The following CRACR2A variants were observed in gnomAD, a reference collection of about 807,000 sequenced individuals.
The protein encoded by CRACR2A is EF-hand calcium-binding domain-containing protein 4B.
In CRACR2A, 79 loss-of-function variants were observed where a neutral mutation model predicts 90.5. The observed-to-expected ratio is 0.87, with a 90% CI of 0.73 to 1.05. CRACR2A has a LOEUF of 1.05. Ranked by LOEUF, CRACR2A falls within the 50% of genes least tolerant of loss-of-function variation. The pLI, the probability that CRACR2A is intolerant of heterozygous loss-of-function variation, is 0.00. For missense variants in CRACR2A, 823 were observed against 897.2 expected, an observed-to-expected ratio of 0.92 and a Z score of 1.06; for synonymous variants, 338 against 356.7, an observed-to-expected ratio of 0.95 and a Z score of 0.59.
chr12:3,740,829 T>C (rs1333650670), intron 1 of CRACR2A, among the ~76,000 whole-genome samples: 1 of 152,244 alleles, frequency 6.6e-6, no homozygotes, highest in African/African-American at 2.4e-5. Flanking sequence ...TTAGCTACTT[T>C]ATAAGCCTCA....
intron 6 of CRACR2A, among the ~76,000 whole-genome samples, chr12:3,674,236 C>G (rs569744666): frequency 3.3e-5 from 5 of 152,258 alleles, no homozygotes; most frequent in Non-Finnish European, 5.9e-5. Flanking sequence ...CCTAGTGGCA[C>G]TAGGGATGAC....
chr12:3,645,303 G>A (rs1281157310), intron 11 of CRACR2A, among the ~76,000 whole-genome samples: 2 of 152,162 alleles, frequency 1.3e-5, no homozygotes, highest in East Asian at 3.8e-4. Flanking sequence ...TCCAGGCAGA[G>A]GAGAGGCTAG....
At chr12:3,621,390 TTTC>T (rs1591632651) in intron 17 of CRACR2A, among the ~76,000 whole-genome samples, 2 of 149,940 alleles carry the variant, frequency 1.3e-5, no homozygotes, top group Admixed American at 6.6e-5. Flanking sequence ...AAAGGGCAGG[TTTC>T]TTCTTTTTTT....
chr12:3,616,173 A>G (rs1039242136), intron 19 of CRACR2A, among the ~76,000 whole-genome samples: 4 of 152,228 alleles, frequency 2.6e-5, no homozygotes, highest in African/African-American at 9.6e-5. Flanking sequence ...TTTCCTTGTG[A>G]TACTCCATAA....
At position 3,619,340 on chromosome 12, in the gene CRACR2A, CAGA is replaced by C. The variant is rs1379139537; in HGVS notation, c.1962_1964del (p.Leu656del). On this transcript the variant is annotated inframe_deletion, in exon 18 of 20. Transcript: ENST00000440314. ...TCTCGTTGTCAAGCTTATTACCCAG[CAGA>C]AGAACAGGCACCCGGTCTCCCACAG... 4 of 1,551,598 alleles carry C rather than the reference CAGA, an allele frequency of 2.6e-6. No individual in the cohort carries two copies. The African/African-American group carries it at 4.1e-5, about 16-fold the overall frequency.
intron 1 of CRACR2A, among the ~76,000 whole-genome samples, chr12:3,743,474 C>T (rs1289088912): frequency 6.6e-6 from 1 of 152,178 alleles, no homozygotes; most frequent in African/African-American, 2.4e-5. Context: ...ATGAAGCAGA[C>T]CCTGCAACCC....
chr12:3,647,465 T>C (rs1944709067), intron 11 of CRACR2A, among the ~76,000 whole-genome samples: 1 of 152,200 alleles, frequency 6.6e-6, no homozygotes, highest in South Asian at 2.1e-4. Flanking sequence ...CCCTTTCATT[T>C]TTTTCTAAAT....
At chr12:3,727,353 T>C (rs1208829583) in intron 2 of CRACR2A, 2 of 152,184 alleles carry the variant, frequency 1.3e-5, no homozygotes, top group Non-Finnish European at 2.9e-5. Context: ...GTACTACAAA[T>C]ATAAATATAT....
intron 4 of CRACR2A, among the ~76,000 whole-genome samples, chr12:3,690,066 A>T (rs1220765413): frequency 1.3e-5 from 2 of 151,434 alleles, no homozygotes; most frequent in Non-Finnish European, 2.9e-5. Flanking sequence ...TTTTCTAATG[A>T]TCTATCTATT....
At position 3,633,690 on chromosome 12, in the gene CRACR2A, A is replaced by T; in HGVS notation, c.1649T>A (p.Phe550Tyr). The part of the protein sequence containing the change: ...SAPDRLFKIV[F>Y]VGNSAVGKTS... ...CTTCCCCACCGCGGAATTGCCCACG[A>T]ACACAATCTTGAAGAGCCGGTCAGG... The change falls in exon 15 of 20, where the codon TTC (phenylalanine) becomes TAC (tyrosine). Residue 550 changes from phenylalanine to tyrosine, a missense_variant. Coordinates refer to ENST00000440314, the MANE Select transcript of CRACR2A (RefSeq NM_001144958.2). The surrounding 1 kb of genome is among the most constrained non-coding windows in gnomAD (Gnocchi z 4.5). 1.9e-6 allele frequency: 3 copies of T among 1,551,774 alleles called. No individual in the cohort carries two copies. The South Asian group carries it at 3.6e-5, about 18-fold the overall frequency.
At chr12:3,683,172 T>C (rs1459595864) in intron 4 of CRACR2A, among the ~76,000 whole-genome samples, 1 of 152,196 alleles carries the variant, frequency 6.6e-6, no homozygotes, top group East Asian at 1.9e-4. Flanking sequence ...GGCTCTGAGA[T>C]TAGCCTAAAG....
chr12:3,727,641 C>A (rs1007192659), intron 2 of CRACR2A: 1 of 152,194 alleles, frequency 6.6e-6, no homozygotes, highest in African/African-American at 2.4e-5. Flanking sequence ...TTAGGCTTCT[C>A]TTCCTAAAAC....
At chr12:3,628,099 T>G (rs1591637584) in intron 15 of CRACR2A, among the ~76,000 whole-genome samples, 4 of 124,856 alleles carry the variant, frequency 3.2e-5, no homozygotes, top group Non-Finnish European at 5.1e-5. Flanking sequence ...CCCTCTCTCC[T>G]TCCCTCTCTC....
chr12:3,706,081 C>T (rs964110407), intron 3 of CRACR2A, among the ~76,000 whole-genome samples: 10 of 152,228 alleles, frequency 6.6e-5, no homozygotes, highest in Non-Finnish European at 1.5e-4. Context: ...AGTATCCCCT[C>T]AACCCTAAAC....
intron 14 of CRACR2A, among the ~76,000 whole-genome samples, chr12:3,635,994 T>G (rs1944448051): frequency 6.6e-6 from 1 of 152,254 alleles, no homozygotes; most frequent in African/African-American, 2.4e-5. Context: ...TAAAGAGTTT[T>G]GAAAATACTT....
chr12:3,672,586 A>G (rs903319934), intron 7 of CRACR2A: 1 of 212,130 alleles, frequency 4.7e-6, no homozygotes, highest in Non-Finnish European at 8.1e-6. Context: ...GTCATACCAC[A>G]TCTAAGTCCA....
chr12:3,623,199 G>A (rs746513204), intron 17 of CRACR2A, among the ~76,000 whole-genome samples: 186 of 152,324 alleles, frequency 1.2e-3, no homozygotes, highest in Non-Finnish European at 2.3e-3. Flanking sequence ...AAGTGTGGGC[G>A]CCTTTGGGAA....
intron 17 of CRACR2A, among the ~76,000 whole-genome samples, chr12:3,620,167 C>T (rs961510483): frequency 6.6e-6 from 1 of 152,214 alleles, no homozygotes; most frequent in Non-Finnish European, 1.5e-5. Flanking sequence ...AAAGGGGCAC[C>T]GTGTGTGTCT....
chr12:3,674,783 T>C (rs1311338423), intron 6 of CRACR2A, among the ~76,000 whole-genome samples: 1 of 152,220 alleles, frequency 6.6e-6, no homozygotes, highest in East Asian at 1.9e-4. Context: ...TTCACATCTA[T>C]ATAACAAGAT....
Sources: allele counts gnomAD v4.1 joint callset (sites outside exome capture counted in the v4.1 genomes callset), GRCh38; gene constraint gnomAD v4.1.1; non-coding constraint Gnocchi (gnomAD v3.1); transcripts MANE v1.5; gene names NCBI Gene and HGNC (gene_info 2026-07-23, HGNC 2026-07-21).